Variants in PRKN observed in about 807,000 individuals in gnomAD.
PRKN encodes E3 ubiquitin-protein ligase parkin.
PRKN carries 56 observed loss-of-function variants against 59.5 expected under a neutral mutation model. The ratio of observed to expected loss-of-function variants is 0.94; its 90% CI spans 0.76 to 1.18. The LOEUF is 1.18. Among genes scored for constraint, PRKN ranks in the 50% most tolerant of loss-of-function variants. The pLI is 0.00. For synonymous variants in PRKN, 250 were observed against 222.1 expected (o/e 1.13, Z -1.12); for missense variants, 657 against 596.4 (o/e 1.10, Z -1.06).
chr6:161,506,833 T>G (rs966689423), intron 9 of PRKN, among the ~76,000 whole-genome samples: 2 of 152,238 alleles, frequency 1.3e-5, no homozygotes, highest in Admixed American at 1.3e-4. Flanking sequence ...AACTAGGCCA[T>G]TGGTCTGCAG....
intron 1 of PRKN, among the ~76,000 whole-genome samples, chr6:162,645,061 G>C (rs188527494): frequency 6.6e-6 from 1 of 152,162 alleles, no homozygotes; most frequent in East Asian, 1.9e-4. Flanking sequence ...CTTATTAATA[G>C]AGTATCTACT....
chr6:161,534,984 C>T (rs1200023299), intron 9 of PRKN, among the ~76,000 whole-genome samples: 3 of 152,214 alleles, frequency 2.0e-5, no homozygotes, highest in South Asian at 4.1e-4. Context: ...TCAAGTGCTA[C>T]GTGAAATACC....
intron 6 of PRKN, among the ~76,000 whole-genome samples, chr6:161,898,640 C>G (rs913837421): frequency 1.6e-4 from 25 of 152,134 alleles, no homozygotes; most frequent in African/African-American, 6.0e-4. Context: ...AGTGGAATGT[C>G]ATTTTGGTAC....
chr6:162,400,389 A>T (rs73033888), intron 2 of PRKN, among the ~76,000 whole-genome samples: 1 of 149,488 alleles, frequency 6.7e-6, no homozygotes, highest in Non-Finnish European at 1.5e-5. Context: ...AAGCAGAAAG[A>T]TCAATTCACT....
intron 1 of PRKN, among the ~76,000 whole-genome samples, chr6:162,689,891 A>T (rs1225631244): frequency 6.6e-6 from 1 of 152,294 alleles, no homozygotes; most frequent in East Asian, 1.9e-4. Flanking sequence ...CCAAAAACCA[A>T]AACCAAATAC....
intron 2 of PRKN, among the ~76,000 whole-genome samples, chr6:162,352,993 CTTTCCTATAAT>C (rs1174750524): frequency 6.6e-6 from 1 of 152,050 alleles, no homozygotes; most frequent in East Asian, 1.9e-4. Context: ...AGAAATAGAA[CTTTCCTATAAT>C]TTTCAATGCT....
chr6:162,077,408 A>G (rs2128292684), intron 4 of PRKN, among the ~76,000 whole-genome samples: 1 of 152,188 alleles, frequency 6.6e-6, no homozygotes, highest in South Asian at 2.1e-4. Context: ...GTTAGAACCT[A>G]TCCCACCACA....
At chr6:161,553,338 C>T (rs910676560) in intron 8 of PRKN, among the ~76,000 whole-genome samples, 4 of 95,740 alleles carry the variant, frequency 4.2e-5, no homozygotes, top group Non-Finnish European at 4.8e-5. Flanking sequence ...TTCTTTCCTT[C>T]CTTCTTTCCT....
chr6:162,273,185 A>T (rs916151937), intron 2 of PRKN, among the ~76,000 whole-genome samples: 1 of 152,080 alleles, frequency 6.6e-6, no homozygotes, highest in African/African-American at 2.4e-5. Flanking sequence ...TTGTAAAAGG[A>T]AACGTAGAAA....
chr6:161,619,981 C>CTTTTTTTTTTTTTTTTTTTTTTTTTTTTT (rs71004058), intron 7 of PRKN, among the ~76,000 whole-genome samples: 1 of 63,122 alleles, frequency 1.6e-5, no homozygotes, highest in African/African-American at 7.8e-5. Flanking sequence ...ACACATTATT[C>CTTTTTTTTTTTTTTTTTTTTTTTTTTTTT]TTTTTTTTTT....
intron 7 of PRKN, among the ~76,000 whole-genome samples, chr6:161,627,276 A>T (rs1211728033): frequency 6.6e-6 from 1 of 152,218 alleles, no homozygotes; most frequent in Non-Finnish European, 1.5e-5. Flanking sequence ...TACTTTTTTG[A>T]TAAATAATTC....
At chr6:162,555,704 A>C (rs1020212164) in intron 1 of PRKN, among the ~76,000 whole-genome samples, 2 of 152,122 alleles carry the variant, frequency 1.3e-5, no homozygotes, top group Non-Finnish European at 2.9e-5. Context: ...GTTTCTAAAG[A>C]ATGAATTCAA....
At position 162,237,319 on chromosome 6, in the gene PRKN, A is replaced by C. The variant is rs552359468; in HGVS notation, c.412+25206T>G. 8.5e-5 allele frequency among the ~76,000 whole-genome samples: 13 copies of C among 152,330 alleles called. No individual in the cohort carries two copies. In the East Asian group the frequency reaches 2.5e-3, roughly 29 times the overall value. On this transcript the variant is annotated intron_variant, in intron 3 of 11. Coordinates refer to ENST00000366898, the MANE Select transcript of PRKN (RefSeq NM_004562.3). ...AGGGCAAGACCTAGTACATAAAAAG[A>C]GTCAGTGAAGCGAATAAAAACAACA...
At chr6:162,364,608 T>C (rs1475222160) in intron 2 of PRKN, among the ~76,000 whole-genome samples, 1 of 152,162 alleles carries the variant, frequency 6.6e-6, no homozygotes, top group East Asian at 1.9e-4. Flanking sequence ...CCACGCTCGG[T>C]GCCTTATCTT....
intron 1 of PRKN, among the ~76,000 whole-genome samples, chr6:162,689,282 T>A (rs1281858749): frequency 1.3e-5 from 2 of 152,206 alleles, no homozygotes; most frequent in East Asian, 3.9e-4. Flanking sequence ...GATGGGCAGA[T>A]AAACAATGCA....
At chr6:162,153,897 G>A (rs920827463) in intron 4 of PRKN, among the ~76,000 whole-genome samples, 1 of 138,912 alleles carries the variant, frequency 7.2e-6, no homozygotes, top group East Asian at 2.0e-4. Flanking sequence ...CGAGCCATAA[G>A]TAGTTTGGAA....
chr6:162,158,611 A>G (rs1293122582), intron 4 of PRKN, among the ~76,000 whole-genome samples: 1 of 151,816 alleles, frequency 6.6e-6, no homozygotes, highest in Non-Finnish European at 1.5e-5. Flanking sequence ...TTTTATTTTT[A>G]GTAGAGACGG....
intron 1 of PRKN, among the ~76,000 whole-genome samples, chr6:162,589,399 C>A (rs1215052856): frequency 6.6e-6 from 1 of 152,052 alleles, no homozygotes; most frequent in Non-Finnish European, 1.5e-5. Context: ...CAGATATATT[C>A]GTATTTTGCT....
chr6:162,446,889 T>TC (rs1466055515), intron 1 of PRKN, among the ~76,000 whole-genome samples: 3 of 152,120 alleles, frequency 2.0e-5, no homozygotes, highest in Non-Finnish European at 4.4e-5. Flanking sequence ...TACCCAGTTC[T>TC]CCCCACCTAC....
Sources: gnomAD v4.1 joint callset for allele counts (sites outside exome capture counted in the v4.1 genomes callset) on GRCh38, gnomAD v4.1.1 for gene constraint, MANE v1.5 for transcripts, NCBI Gene and HGNC (gene_info 2026-07-23, HGNC 2026-07-21) for gene names.